USP7: variants seen among roughly 807,000 people sequenced by gnomAD.
The protein encoded by USP7 is ubiquitin specific peptidase 7, also known as ubiquitin C-terminal hydrolase 7.
A neutral mutation model predicts 162.9 loss-of-function variants in USP7; 9 were observed. The observed-to-expected ratio is 0.06, with a 90% CI of 0.03 to 0.10. The LOEUF is 0.10. USP7 is among the 10% of genes least tolerant of loss of function. The pLI is 1.00. For synonymous variants in USP7, 562 were observed against 475.9 expected, an observed-to-expected ratio of 1.18 and a Z score of -2.35; for missense variants, 715 against 1,373.7, an observed-to-expected ratio of 0.52 and a Z score of 7.58.
intron 11 of USP7, among the ~76,000 whole-genome samples, chr16:8,910,074 C>T (rs1036045297): frequency 6.6e-6 from 1 of 152,204 alleles, no homozygotes; most frequent in Admixed American, 6.5e-5. Context: ...TTTGTAAGCA[C>T]AGGCCAGACT....
At chr16:8,901,086 T>C (rs1247744363) in intron 19 of USP7, 29 bp from the exon 20 acceptor site, 1 of 1,613,786 alleles carries the variant, frequency 6.2e-7, no homozygotes. Flanking sequence ...TTTAAATGTG[T>C]AGCTGTAATG....
chr16:8,934,161 T>C (rs1898545124), intron 1 of USP7, among the ~76,000 whole-genome samples: 2 of 152,362 alleles, frequency 1.3e-5, no homozygotes, highest in South Asian at 4.1e-4. Flanking sequence ...TTTTAATGCA[T>C]GGATGCAAAA....
Position 8,963,845 on chromosome 16 carries a change from C to G in USP7, c.-560G>C, listed in dbSNP as rs1224080414. Among the ~76,000 whole-genome samples, 3 of 146,704 alleles carry G rather than the reference C, an allele frequency of 2.0e-5. No homozygotes were observed. Among genetic ancestry groups the G allele is most frequent in the South Asian group, 4.2e-4 (2 of 4,818 alleles). On this transcript the variant is annotated 5_prime_UTR_variant, in exon 1 of 31. Transcript: ENST00000344836. ...GGCGTCGTCGTCGGGGCTCCGGCAG[C>G]GGACGCGGCGCCCGGCAGCTCGGCT...
intron 1 of USP7, among the ~76,000 whole-genome samples, chr16:8,937,866 G>A (rs991901754): frequency 4.6e-5 from 7 of 152,182 alleles, no homozygotes; most frequent in African/African-American, 1.7e-4. Flanking sequence ...GAGACCTGTA[G>A]CCAGTCTGGG....
chr16:8,937,903 G>C (rs988427337), intron 1 of USP7, among the ~76,000 whole-genome samples: 1 of 152,144 alleles, frequency 6.6e-6, no homozygotes, highest in African/African-American at 2.4e-5. Flanking sequence ...GGGAGCAAGA[G>C]GGGGAGAGAA....
At chr16:8,948,399 G>A (rs907074967) in intron 1 of USP7, among the ~76,000 whole-genome samples, 1 of 152,090 alleles carries the variant, frequency 6.6e-6, no homozygotes, top group Non-Finnish European at 1.5e-5. Flanking sequence ...TGCCCAGGCT[G>A]ATCTCAAACC....
intron 21 of USP7, 93 bp from the exon 22 acceptor site, chr16:8,899,850 C>T: frequency 3.6e-6 from 5 of 1,402,384 alleles, no homozygotes; most frequent in Non-Finnish European, 5.0e-6. Flanking sequence ...ACAGTGACAC[C>T]AACAGGCTCT....
In USP7 at chr16:8,893,729, C is replaced by T. The variant is rs1442837451; in HGVS notation, c.*269G>A. 1.0e-5 allele frequency: 4 copies of T among 399,834 alleles called. No homozygotes were observed. The highest frequency in any genetic ancestry group is 2.4e-5 in the South Asian group (1 of 41,472). 24.8% of individuals were successfully genotyped at this position (399,834 alleles called of 1,614,324 possible). ...CCCCGATCCACTAACCTCTTCTCCC[C>T]CATTGCGCTGACAGTTGCCTTGCAC... is the stretch of plus-strand genomic sequence containing the variant. On this transcript the variant is annotated 3_prime_UTR_variant, in exon 31 of 31. Transcript: ENST00000344836.
chr16:8,899,168 C>T lies in USP7; in HGVS notation c.2484G>A (p.Gln828=). The T allele has an allele frequency of 6.2e-7, 1 of 1,614,180 alleles. No individual in the cohort carries two copies. The highest frequency in any genetic ancestry group is 8.5e-7 in the Non-Finnish European group (1 of 1,180,044). The change falls in exon 23 of 31, where the codon CAG becomes CAA. Residue 828 remains glutamine (Q), a synonymous_variant. Coordinates refer to ENST00000344836, the MANE Select transcript of USP7 (RefSeq NM_003470.3). Reference sequence around the variant, plus strand: ...GCAACATTGGATCTGTGTTGAGCCTCTGTGCAACTGTCTTTGCAACCTAAG... The same window carrying T: ...GCAACATTGGATCTGTGTTGAGCCTTTGTGCAACTGTCTTTGCAACCTAAG... ...NYFQVAKTVA[Q]RLNTDPMLLQ... is the part of the protein sequence containing the mutation.
chr16:8,933,486 C>T (rs766214062), intron 1 of USP7, among the ~76,000 whole-genome samples: 1 of 152,148 alleles, frequency 6.6e-6, no homozygotes, highest in Admixed American at 6.5e-5. Context: ...ATTTCATATT[C>T]CCTTTACAAA....
chr16:8,963,240 G>T lies in USP7; in HGVS notation c.46C>A (p.Gln16Lys). 7.2e-7 allele frequency: 1 copy of T among 1,395,506 alleles called. No individual in the cohort carries two copies. The highest frequency in any genetic ancestry group is 9.4e-7 in the Non-Finnish European group (1 of 1,063,798). The allele number at this position is 1,395,506 out of a possible 1,614,324, so 86.4% of individuals were successfully genotyped here. The change falls in exon 1 of 31, where the codon CAG (glutamine) becomes AAG (lysine). Residue 16 changes from glutamine (Q) to lysine (K), a missense_variant. Physicochemically the swap from Gln to Lys is moderately conservative, Grantham distance 53 (BLOSUM62 1). Around this residue, in one of 11 missense-constraint regions of USP7, gnomAD observed 137 missense variants for 123.5 expected, o/e 1.11. Transcript: ENST00000344836. ...QQQQQKAGEQ[Q>K]LSEPEDMEME... ...TCCATGTCCTCGGGCTCGCTCAACTGCTGCTCGCCCGCTTTCTGCTGCTGC... is the reference window on the plus strand; with the variant it reads ...TCCATGTCCTCGGGCTCGCTCAACTTCTGCTCGCCCGCTTTCTGCTGCTGC...
At chr16:8,948,675 T>C (rs1047346296) in intron 1 of USP7, among the ~76,000 whole-genome samples, 12 of 152,168 alleles carry the variant, frequency 7.9e-5, no homozygotes, top group African/African-American at 1.2e-4. Context: ...GACTACTGGC[T>C]ACGATGTGGA....
Position 8,897,698 on chromosome 16 carries a change from CAAAAAAAA to C in USP7, c.2719-607_2719-600del, listed in dbSNP as rs55635828. Among the ~76,000 whole-genome samples, 11 of 35,604 alleles carry C rather than the reference CAAAAAAAA, an allele frequency of 3.1e-4. 1 individual carries two copies. The highest frequency in any genetic ancestry group is 1.7e-3 in the South Asian group (1 of 582). The allele number at this position is 35,604 out of a possible 152,430, so 23.4% of individuals were successfully genotyped here. A position where few individuals can be genotyped will look rare whatever the true frequency, so the allele number is the denominator to read the frequency against. On this transcript the variant is annotated intron_variant, in intron 25 of 30. Coordinates refer to ENST00000344836, the MANE Select transcript of USP7 (RefSeq NM_003470.3). Reference sequence around the variant, plus strand: ...GCAATATAGTGAGACCCTGTCTCTACAAAAAAAAAAAAAAAAAAAAAAAAAAAAATATA... The same window carrying C: ...GCAATATAGTGAGACCCTGTCTCTACAAAAAAAAAAAAAAAAAAAAATATA...
rs771260597 is a variant in USP7 at position 8,900,104 on chromosome 16, G to C, written c.2310-347C>G. On this transcript the variant is annotated intron_variant, in intron 21 of 30. Coordinates refer to ENST00000344836, the MANE Select transcript of USP7 (RefSeq NM_003470.3). ...AGGTGGTGGAGCCCAGTCTCTGACC[G>C]TGAGTCAGGAAATCTGGGCTTTCGT... is the stretch of plus-strand genomic sequence containing the variant. The C allele has an allele frequency of 1.3e-5, 5 of 389,272 alleles. No homozygotes were observed. The East Asian group carries it at 2.9e-4, about 22-fold the overall frequency. 24.1% of individuals were successfully genotyped at this position (389,272 alleles called of 1,614,324 possible).
chr16:8,955,526 G>A (rs1283668807), intron 1 of USP7, among the ~76,000 whole-genome samples: 1 of 152,032 alleles, frequency 6.6e-6, no homozygotes, highest in Non-Finnish European at 1.5e-5. Flanking sequence ...TGGCCAACAT[G>A]GGGAAACCGT....
chr16:8,919,185 T>G (rs770653423), intron 5 of USP7, 46 bp from the exon 6 acceptor site: 2 of 1,586,912 alleles, frequency 1.3e-6, no homozygotes, highest in African/African-American at 2.7e-5. Flanking sequence ...GATACCCCAT[T>G]GCTCCTGCAG....
rs1164743991 is a variant in USP7, at chr16:8,893,325, T to G, written c.*673A>C. Reference sequence around the variant, plus strand: ...CCTTAATTGAATTTAACAATGTTCTTGATTTAATAAAAAGACCCCCACAAT... The same window carrying G: ...CCTTAATTGAATTTAACAATGTTCTGGATTTAATAAAAAGACCCCCACAAT... On this transcript the variant is annotated 3_prime_UTR_variant, in exon 31 of 31. Coordinates refer to ENST00000344836, the MANE Select transcript of USP7 (RefSeq NM_003470.3). 6.6e-6 allele frequency: 1 copy of G among 152,254 alleles called. No homozygotes were observed. The highest frequency in any genetic ancestry group is 6.5e-5 in the Admixed American group (1 of 15,284). The allele number at this position is 152,254 out of a possible 1,614,324, so 9.4% of individuals were successfully genotyped here.
intron 10 of USP7, among the ~76,000 whole-genome samples, chr16:8,911,449 A>G (rs969729022): frequency 1.3e-5 from 2 of 152,256 alleles, no homozygotes; most frequent in Admixed American, 1.3e-4. Context: ...ACAAGCTCTC[A>G]ATCCAACACG....
chr16:8,917,254 C>A, intron 6 of USP7, 98 bp from the exon 7 acceptor site: 2 of 1,388,452 alleles, frequency 1.4e-6, no homozygotes, highest in South Asian at 1.6e-5. Flanking sequence ...AAAATCATTT[C>A]TAATAACACA....
Sources: allele counts gnomAD v4.1 joint callset (sites outside exome capture counted in the v4.1 genomes callset), GRCh38; gene constraint gnomAD v4.1.1; regional missense constraint gnomAD v4.1.1; transcripts MANE v1.5; gene names NCBI Gene and HGNC (gene_info 2026-07-23, HGNC 2026-07-21).